SLC6A11: variants seen among roughly 807,000 people sequenced by gnomAD.
The protein encoded by SLC6A11 is sodium- and chloride-dependent GABA transporter 3.
Under a neutral mutation model 74.8 loss-of-function variants are expected in SLC6A11, and 25 were observed. That is an observed-to-expected ratio of 0.33 (90% confidence interval 0.24 to 0.47). The LOEUF (loss-of-function observed/expected upper bound fraction) is 0.47, where lower values mean the gene tolerates loss of function less well. SLC6A11 is among the 20% of genes least tolerant of loss of function. The probability of loss-of-function intolerance (pLI) is 1.00; values close to 1 mark genes in which losing one functional copy is unlikely to be tolerated. For missense variants in SLC6A11, 574 were observed against 837.0 expected (o/e 0.69, Z 3.88); for synonymous variants, 330 against 330.2 (o/e 1.00, Z 0.01).
At chr3:10,891,457 T>C (rs77160150) in intron 6 of SLC6A11, among the ~76,000 whole-genome samples, 5,091 of 152,338 alleles carry the variant, frequency 0.033, 114 homozygotes, top group Middle Eastern at 0.068. Flanking sequence ...ATTCATAAAA[T>C]CATGTGTCAG....
At chr3:10,833,465 C>T (rs1254496386) in intron 4 of SLC6A11, among the ~76,000 whole-genome samples, 2 of 152,154 alleles carry the variant, frequency 1.3e-5, no homozygotes, top group African/African-American at 4.8e-5. Flanking sequence ...GAACACCTTC[C>T]CAGATGGACC....
At chr3:10,848,867 A>G (rs1277845080) in intron 5 of SLC6A11, among the ~76,000 whole-genome samples, 1 of 152,214 alleles carries the variant, frequency 6.6e-6, no homozygotes, top group African/African-American at 2.4e-5. Context: ...AATTTATTTT[A>G]CAAATAAGGC....
chr3:10,933,505 T>G (rs1228482362), intron 11 of SLC6A11, among the ~76,000 whole-genome samples: 3 of 152,202 alleles, frequency 2.0e-5, no homozygotes, highest in African/African-American at 7.2e-5. Flanking sequence ...AGGCTCAGTT[T>G]TCCCCTTTGT....
At chr3:10,878,933 C>CT (rs1490236365) in intron 6 of SLC6A11, among the ~76,000 whole-genome samples, 3 of 152,172 alleles carry the variant, frequency 2.0e-5, no homozygotes, top group Non-Finnish European at 2.9e-5. Flanking sequence ...AGTGCCTACT[C>CT]TGTGTCAGAG....
intron 12 of SLC6A11, 41 bp from the exon 13 acceptor site, chr3:10,934,988 G>A: frequency 6.3e-7 from 1 of 1,579,960 alleles, no homozygotes; most frequent in Non-Finnish European, 8.7e-7. Flanking sequence ...TAGCAGGGCT[G>A]AGGGCCCATC....
At chr3:10,837,173 A>G (rs1372925459) in intron 4 of SLC6A11, among the ~76,000 whole-genome samples, 2 of 152,186 alleles carry the variant, frequency 1.3e-5, no homozygotes, top group Non-Finnish European at 2.9e-5. Context: ...TAGAATATAG[A>G]TAACTGGGGA....
intron 6 of SLC6A11, among the ~76,000 whole-genome samples, chr3:10,886,233 G>A: frequency 6.6e-6 from 1 of 152,214 alleles, no homozygotes; most frequent in East Asian, 1.9e-4. Flanking sequence ...TTACTCTGGT[G>A]TGACCAGAAG....
intron 5 of SLC6A11, among the ~76,000 whole-genome samples, chr3:10,873,518 T>C: frequency 7.1e-6 from 1 of 141,324 alleles, no homozygotes; most frequent in African/African-American, 2.7e-5. Context: ...TCCTATGCCA[T>C]GCCATCCTAT....
chr3:10,868,999 A>G (rs1694797980), intron 5 of SLC6A11, among the ~76,000 whole-genome samples: 1 of 152,236 alleles, frequency 6.6e-6, no homozygotes, highest in South Asian at 2.1e-4. Flanking sequence ...ATGCAGCACA[A>G]AGCAGTGTTC....
At chr3:10,832,762 C>T (rs535505320) in intron 4 of SLC6A11, among the ~76,000 whole-genome samples, 1 of 152,336 alleles carries the variant, frequency 6.6e-6, no homozygotes, top group South Asian at 2.1e-4. Flanking sequence ...ATTTAATTCT[C>T]CTCTTCCGTC....
Position 10,816,592 on chromosome 3 carries a change from G to T in SLC6A11, c.256+71G>T. On this transcript the variant is annotated intron_variant, in intron 1 of 13. Transcript: ENST00000254488. This position sits in a 1 kb window ranked among gnomAD's most constrained non-coding sequence, Gnocchi z 4.2. The stretch of plus-strand genomic sequence containing the variant: ...TGGGGGCGGGGAGCCAGGGGCGAGC[G>T]CGAGACCCCCTCCCGCGCCTGCGTG... 7.1e-7 allele frequency: 1 copy of T among 1,413,008 alleles called. No individual in the cohort carries two copies. Among genetic ancestry groups the T allele is most frequent in the Non-Finnish European group, 9.4e-7 (1 of 1,063,562 alleles). 87.5% of individuals were successfully genotyped at this position (1,413,008 alleles called of 1,614,324 possible).
chr3:10,817,406 G>A lies in SLC6A11; in HGVS notation c.256+885G>A, dbSNP rs369240397. On this transcript the variant is annotated intron_variant, in intron 1 of 13. Coordinates refer to ENST00000254488, the MANE Select transcript of SLC6A11 (RefSeq NM_014229.3). ...TGGCAAAAGATGCAGCAGCGAATCC[G>A]TAACTCTCCCAGCTCAGGGAAGGGG... Among the ~76,000 whole-genome samples the A allele has an allele frequency of 2.0e-5, 3 of 152,294 alleles. No homozygotes were observed. In the South Asian group the frequency reaches 6.2e-4, roughly 32 times the overall value.
At chr3:10,877,943 G>A (rs1160967638) in intron 6 of SLC6A11, among the ~76,000 whole-genome samples, 1 of 152,086 alleles carries the variant, frequency 6.6e-6, no homozygotes, top group Non-Finnish European at 1.5e-5. Context: ...CCTGACCCCC[G>A]ACTCCGTCCT....
At chr3:10,868,219 A>C (rs1470883538) in intron 5 of SLC6A11, among the ~76,000 whole-genome samples, 2 of 152,180 alleles carry the variant, frequency 1.3e-5, no homozygotes, top group Non-Finnish European at 2.9e-5. Context: ...TTGTGGTCCT[A>C]GGTTCTTGCC....
chr3:10,931,800 G>T (rs915388008), intron 10 of SLC6A11, among the ~76,000 whole-genome samples: 1 of 152,186 alleles, frequency 6.6e-6, no homozygotes, highest in Non-Finnish European at 1.5e-5. Flanking sequence ...CGTATCATCT[G>T]TCTGGCCTTG....
intron 6 of SLC6A11, among the ~76,000 whole-genome samples, chr3:10,877,504 A>G (rs545092113): frequency 2.0e-5 from 3 of 152,334 alleles, no homozygotes; most frequent in Admixed American, 2.0e-4. Context: ...CCTGCGATGC[A>G]GAGTCCAGGT....
rs548906888 is a variant in SLC6A11, at chr3:10,874,036, C to T, written c.757-925C>T. Among the ~76,000 whole-genome samples, 3 of 151,304 alleles carry T rather than the reference C, an allele frequency of 2.0e-5. No homozygotes were observed. In the South Asian group the frequency reaches 6.5e-4, roughly 33 times the overall value. Reference sequence around the variant, plus strand: ...TGCTATACCATCCTATCCTATCCTACGTTAGTCTAGCCTATACTATCCTGT... The same window carrying T: ...TGCTATACCATCCTATCCTATCCTATGTTAGTCTAGCCTATACTATCCTGT... On this transcript the variant is annotated intron_variant, in intron 5 of 13. Coordinates refer to ENST00000254488, the MANE Select transcript of SLC6A11 (RefSeq NM_014229.3).
At chr3:10,842,035 G>A (rs1694444971) in intron 4 of SLC6A11, among the ~76,000 whole-genome samples, 1 of 152,202 alleles carries the variant, frequency 6.6e-6, no homozygotes, top group African/African-American at 2.4e-5. Flanking sequence ...GATGCTTTTG[G>A]TGGCCGTGTG....
At chr3:10,910,803 CATAG>C (rs1388395475) in intron 6 of SLC6A11, among the ~76,000 whole-genome samples, 1 of 148,938 alleles carries the variant, frequency 6.7e-6, no homozygotes, top group African/African-American at 2.5e-5. Flanking sequence ...GCACCTACCA[CATAG>C]GGTTGCTGTG....
Sources: allele counts gnomAD v4.1 joint callset (sites outside exome capture counted in the v4.1 genomes callset), GRCh38; gene constraint gnomAD v4.1.1; non-coding constraint Gnocchi (gnomAD v3.1); transcripts MANE v1.5; gene names NCBI Gene and HGNC (gene_info 2026-07-23, HGNC 2026-07-21).